Variants in FRMD4B observed in about 807,000 individuals in gnomAD.
FRMD4B encodes FERM domain-containing protein 4B.
In FRMD4B, 74 loss-of-function variants were observed where a neutral mutation model predicts 141.5. The observed-to-expected ratio is 0.52, with a 90% confidence interval of 0.43 to 0.63. The LOEUF (loss-of-function observed/expected upper bound fraction) is 0.63. FRMD4B is among the 30% of genes least tolerant of loss of function. The pLI is 0.00. For synonymous variants in FRMD4B, 506 were observed against 467.9 expected (o/e 1.08, Z -1.05); for missense variants, 1,366 against 1,253.4 (o/e 1.09, Z -1.36).
intron 1 of FRMD4B, among the ~76,000 whole-genome samples, chr3:69,527,666 A>G (rs1413100957): frequency 6.6e-6 from 1 of 152,210 alleles, no homozygotes; most frequent in Non-Finnish European, 1.5e-5. Context: ...TTGAACTTTG[A>G]AAGGTCCCAT....
At chr3:69,177,475 C>T (rs1238352887) in intron 21 of FRMD4B, among the ~76,000 whole-genome samples, 1 of 151,736 alleles carries the variant, frequency 6.6e-6, no homozygotes, top group Non-Finnish European at 1.5e-5. Context: ...CATGGCAAAA[C>T]CCCATCTCTG....
chr3:69,313,130 C>T (rs182123404), intron 2 of FRMD4B, among the ~76,000 whole-genome samples: 12 of 152,260 alleles, frequency 7.9e-5, no homozygotes, highest in African/African-American at 1.2e-4. Flanking sequence ...CCCAATTTAC[C>T]GGCAAGAGAC....
intron 9 of FRMD4B, among the ~76,000 whole-genome samples, chr3:69,220,162 C>T (rs2093180159): frequency 6.6e-6 from 1 of 152,168 alleles, no homozygotes; most frequent in Non-Finnish European, 1.5e-5. Context: ...ATAGAGTGCA[C>T]TTACACGAAC....
chr3:69,533,516 T>C lies in FRMD4B; in HGVS notation c.-129+8690A>G, dbSNP rs566902638. Among the ~76,000 whole-genome samples, 12 of 152,338 alleles carry C rather than the reference T, an allele frequency of 7.9e-5. No individual in the cohort carries two copies. In the South Asian group the frequency reaches 1.0e-3, roughly 13 times the overall value. ...GCAAATGCCTGGCACCTGGCACTTA[T>C]AGGGGCTCAATAAAAGGTAGCCATT... On this transcript the variant is annotated intron_variant, in intron 1 of 5. Transcript: ENST00000459638.
chr3:69,287,677 G>A (rs2107068412), intron 5 of FRMD4B, 75 bp downstream of exon 5: 1 of 752,486 alleles, frequency 1.3e-6, no homozygotes, highest in Non-Finnish European at 2.3e-6. Flanking sequence ...TGCAAGAAGA[G>A]AGGCAAAACC....
intron 5 of FRMD4B, among the ~76,000 whole-genome samples, chr3:69,267,593 G>A (rs60590150): frequency 1.7e-3 from 168 of 97,892 alleles, no homozygotes; most frequent in African/African-American, 6.3e-3. Flanking sequence ...GTGTGTGTGT[G>A]TGTATATATA....
intron 2 of FRMD4B, among the ~76,000 whole-genome samples, chr3:69,418,229 A>G (rs2106799737): frequency 6.6e-6 from 1 of 152,238 alleles, no homozygotes; most frequent in African/African-American, 2.4e-5. Flanking sequence ...CTAATAACAC[A>G]TGTTTACCAA....
chr3:69,353,475 C>T (rs779693613), intron 1 of FRMD4B: 8 of 613,686 alleles, frequency 1.3e-5, no homozygotes, highest in Non-Finnish European at 1.6e-5. Flanking sequence ...TATGAAATGC[C>T]AGTCAAAGCT....
intron 7 of FRMD4B, among the ~76,000 whole-genome samples, chr3:69,248,968 CAG>C (rs1216350435): frequency 6.6e-6 from 1 of 152,206 alleles, no homozygotes; most frequent in East Asian, 1.9e-4. Flanking sequence ...CACTAATTAA[CAG>C]ATGACAGAAA....
At chr3:69,264,776 AAAAC>A (rs1440999395) in intron 5 of FRMD4B, among the ~76,000 whole-genome samples, 1 of 152,218 alleles carries the variant, frequency 6.6e-6, no homozygotes, top group Non-Finnish European at 1.5e-5. Context: ...ACATTACAAA[AAAAC>A]AAACAAATAC....
At chr3:69,478,570 C>T (rs939522995) in intron 1 of FRMD4B, among the ~76,000 whole-genome samples, 2 of 152,106 alleles carry the variant, frequency 1.3e-5, no homozygotes, top group African/African-American at 4.8e-5. Context: ...GTCTGAGAGA[C>T]AGTTTGTTAT....
chr3:69,299,905 T>C (rs1356868522), intron 4 of FRMD4B, among the ~76,000 whole-genome samples: 1 of 152,152 alleles, frequency 6.6e-6, no homozygotes, highest in African/African-American at 2.4e-5. Flanking sequence ...AGAGGTGAGG[T>C]ACCCAATCTC....
intron 5 of FRMD4B, among the ~76,000 whole-genome samples, chr3:69,253,290 A>T (rs1426365760): frequency 6.8e-6 from 1 of 146,676 alleles, no homozygotes; most frequent in Non-Finnish European, 1.5e-5. Flanking sequence ...CTCCCTGTCC[A>T]GTGCTCTTTC....
chr3:69,412,685 C>T (rs1048228343), intron 2 of FRMD4B, among the ~76,000 whole-genome samples: 2 of 152,072 alleles, frequency 1.3e-5, no homozygotes, highest in East Asian at 3.8e-4. Context: ...CTTAGGTTAT[C>T]TAAGAGATGC....
intron 1 of FRMD4B, among the ~76,000 whole-genome samples, chr3:69,499,985 T>C (rs1706465056): frequency 6.6e-6 from 1 of 152,240 alleles, no homozygotes; most frequent in Admixed American, 6.5e-5. Context: ...ACTGACAACA[T>C]GTGATGACAG....
At chr3:69,362,864 A>G (rs1458414054) in intron 1 of FRMD4B, among the ~76,000 whole-genome samples, 1 of 152,032 alleles carries the variant, frequency 6.6e-6, no homozygotes, top group African/African-American at 2.4e-5. Context: ...GCACATCTCC[A>G]ATTTTTATTA....
intron 1 of FRMD4B, among the ~76,000 whole-genome samples, chr3:69,367,188 C>G (rs1703691805): frequency 6.6e-6 from 1 of 152,098 alleles, no homozygotes; most frequent in Non-Finnish European, 1.5e-5. Context: ...ATGGTCTACA[C>G]AAGAGCCTGG....
At chr3:69,173,801 A>G (rs1398294593) in intron 22 of FRMD4B, among the ~76,000 whole-genome samples, 1 of 152,220 alleles carries the variant, frequency 6.6e-6, no homozygotes. Context: ...TCCTAGGAAA[A>G]TAATCTGGGA....
chr3:69,514,501 C>A (rs533021108), intron 1 of FRMD4B, among the ~76,000 whole-genome samples: 1 of 151,892 alleles, frequency 6.6e-6, no homozygotes, highest in Non-Finnish European at 1.5e-5. Flanking sequence ...ACCAGCCTGG[C>A]CAATGGGGTG....
Sources: gnomAD v4.1 joint callset for allele counts (sites outside exome capture counted in the v4.1 genomes callset) on GRCh38, gnomAD v4.1.1 for gene constraint, MANE v1.5 for transcripts, NCBI Gene and HGNC (gene_info 2026-07-23, HGNC 2026-07-21) for gene names.